The following SCD5 variants were observed in gnomAD, a reference collection of about 807,000 sequenced individuals.
SCD5 encodes stearoyl-CoA desaturase 5, also known as acyl-CoA-desaturase 4.
In SCD5, 20 loss-of-function variants were observed where a neutral mutation model predicts 30.4. That is an observed-to-expected ratio of 0.66 (90% CI 0.46 to 0.96). SCD5 has a LOEUF of 0.96. SCD5 is among the 40% of genes least tolerant of loss of function. The pLI, the probability that SCD5 is intolerant of heterozygous loss-of-function variation, is 0.00. For missense variants in SCD5, 381 were observed against 443.3 expected (o/e 0.86, Z 1.26); for synonymous variants, 173 against 176.4 (o/e 0.98, Z 0.16).
intron 1 of SCD5, among the ~76,000 whole-genome samples, chr4:82,786,647 C>T (rs1721993725): frequency 6.6e-6 from 1 of 151,922 alleles, no homozygotes; most frequent in South Asian, 2.1e-4. Context: ...TAAAAATTAG[C>T]TCGGCATGGT....
rs556535165 is a variant in SCD5 at position 82,777,582 on chromosome 4, G to A, written c.232+20724C>T. ...CCCCATCCTTAGGAGGGCCTCATGC[G>A]TGGTTAAATGCACTGCTATCACCAT... is the stretch of plus-strand genomic sequence containing the variant. On this transcript the variant is annotated intron_variant, in intron 1 of 4. Coordinates refer to ENST00000319540, the MANE Select transcript of SCD5 (RefSeq NM_001037582.3). Among the ~76,000 whole-genome samples, 5 of 152,332 alleles carry A rather than the reference G, an allele frequency of 3.3e-5. No homozygotes were observed. In the East Asian group the frequency reaches 5.8e-4, roughly 18 times the overall value.
intron 1 of SCD5, among the ~76,000 whole-genome samples, chr4:82,764,919 G>A (rs753835467): frequency 2.3e-4 from 35 of 152,094 alleles, no homozygotes; most frequent in Non-Finnish European, 4.1e-4. Context: ...AAGAGACAGT[G>A]TTTCACCATG....
intron 2 of SCD5, among the ~76,000 whole-genome samples, chr4:82,696,494 T>A (rs1719698598): frequency 6.6e-6 from 1 of 152,246 alleles, no homozygotes; most frequent in Non-Finnish European, 1.5e-5. Flanking sequence ...TCATTTCGTA[T>A]CTTCATTAAT....
At chr4:82,650,925 T>C (rs944083045) in intron 3 of SCD5, among the ~76,000 whole-genome samples, 4 of 149,730 alleles carry the variant, frequency 2.7e-5, no homozygotes, top group Admixed American at 6.8e-5. Flanking sequence ...ACCTATTACA[T>C]GGTAAATAAA....
At chr4:82,647,176 G>A (rs1727649713) in intron 3 of SCD5, among the ~76,000 whole-genome samples, 2 of 152,246 alleles carry the variant, frequency 1.3e-5, no homozygotes, top group South Asian at 4.1e-4. Flanking sequence ...AGTGACACTA[G>A]ATAGTAGTGC....
At chr4:82,782,315 TACAG>T (rs1721889843) in intron 1 of SCD5, among the ~76,000 whole-genome samples, 1 of 151,896 alleles carries the variant, frequency 6.6e-6, no homozygotes. Flanking sequence ...TTTACTAGAA[TACAG>T]ACATACAGCA....
chr4:82,662,631 A>G (rs954411704), intron 3 of SCD5, among the ~76,000 whole-genome samples: 63 of 151,864 alleles, frequency 4.1e-4, no homozygotes, highest in African/African-American at 1.5e-3. Context: ...AGGCTGAGGT[A>G]GGTGGATCAC....
intron 1 of SCD5, among the ~76,000 whole-genome samples, chr4:82,746,709 G>C (rs914727102): frequency 6.6e-6 from 1 of 151,994 alleles, no homozygotes; most frequent in African/African-American, 2.4e-5. Context: ...AGAGTAAATG[G>C]AAAGAGTCAA....
At chr4:82,767,439 C>G (rs970126160) in intron 1 of SCD5, among the ~76,000 whole-genome samples, 3 of 152,096 alleles carry the variant, frequency 2.0e-5, no homozygotes, top group African/African-American at 7.2e-5. Context: ...AAAACTCTCT[C>G]TAGGAAGTCT....
At position 82,741,140 on chromosome 4, in the gene SCD5, T is replaced by C. The variant is rs372778573; in HGVS notation, c.233-35727A>G. Reference sequence around the variant, plus strand: ...TTTTCGTAGAGACAGAGTTTTGCCATGTTGCCTAGGCTGGTCTCAAACTCC... The same window carrying C: ...TTTTCGTAGAGACAGAGTTTTGCCACGTTGCCTAGGCTGGTCTCAAACTCC... On this transcript the variant is annotated intron_variant, in intron 1 of 4. Transcript: ENST00000319540. Among the ~76,000 whole-genome samples the C allele has an allele frequency of 8.2e-4, 124 of 151,186 alleles. 4 individuals carry two copies. The highest frequency in any genetic ancestry group is 3.0e-3 in the African/African-American group (123 of 41,114).
At chr4:82,739,827 C>A (rs1051172693) in intron 1 of SCD5, among the ~76,000 whole-genome samples, 10 of 152,196 alleles carry the variant, frequency 6.6e-5, no homozygotes, top group Non-Finnish European at 1.2e-4. Flanking sequence ...TAAAGAGAGG[C>A]ATATATCTGT....
rs1440233565 is a variant in SCD5, at chr4:82,798,335, G to T, written c.203C>A (p.Pro68His). The change falls in exon 1 of 5, where the codon CCC (proline) becomes CAC (histidine). Residue 68 changes from proline to histidine, a missense_variant. Physicochemically the swap from Pro to His is moderately conservative, Grantham distance 77. Transcript: ENST00000319540. ...GAGCAGAGTGAGTGGCTTGGCTTTG[G>T]GGATGAGCACCAGGGAGTACACGGC... is the stretch of plus-strand genomic sequence containing the variant. ...LGAVYSLVLI[P>H]KAKPLTLLWA... is the part of the protein sequence containing the mutation. The T allele has an allele frequency of 1.9e-6, 3 of 1,611,916 alleles. No homozygotes were observed. Among genetic ancestry groups the T allele is most frequent in the South Asian group, 1.1e-5 (1 of 90,656 alleles).
At chr4:82,733,438 T>C (rs781487656) in intron 1 of SCD5, among the ~76,000 whole-genome samples, 13 of 152,178 alleles carry the variant, frequency 8.5e-5, no homozygotes, top group East Asian at 3.8e-4. Flanking sequence ...GCCTATTTCA[T>C]TGGCTGTAAA....
intron 1 of SCD5, among the ~76,000 whole-genome samples, chr4:82,748,218 A>G (rs1177507066): frequency 6.6e-6 from 1 of 152,126 alleles, no homozygotes; most frequent in East Asian, 1.9e-4. Flanking sequence ...AGGGAAAGGG[A>G]AACGATGAAA....
At chr4:82,658,630 C>CTTTTTTTT (rs57727794) in intron 3 of SCD5, among the ~76,000 whole-genome samples, 18 of 116,930 alleles carry the variant, frequency 1.5e-4, no homozygotes, top group South Asian at 2.9e-4. Flanking sequence ...CCACACCTGG[C>CTTTTTTTT]TTTTTTTTTT....
intron 1 of SCD5, among the ~76,000 whole-genome samples, chr4:82,758,253 AG>A (rs973433648): frequency 2.0e-5 from 3 of 152,196 alleles, no homozygotes; most frequent in African/African-American, 7.2e-5. Flanking sequence ...ACTTGAGGCC[AG>A]GAGTTGAACA....
At chr4:82,785,127 T>C (rs1023711910) in intron 1 of SCD5, among the ~76,000 whole-genome samples, 2 of 151,712 alleles carry the variant, frequency 1.3e-5, no homozygotes, top group Non-Finnish European at 2.9e-5. Context: ...CCACCCCCCA[T>C]CCCCCCAGCT....
chr4:82,787,564 C>A (rs1179323196), intron 1 of SCD5, among the ~76,000 whole-genome samples: 1 of 152,226 alleles, frequency 6.6e-6, no homozygotes, highest in Non-Finnish European at 1.5e-5. Context: ...GCCCTTGCCT[C>A]ATGTGACTCA....
At chr4:82,779,479 T>C (rs1032507097) in intron 1 of SCD5, among the ~76,000 whole-genome samples, 4 of 152,172 alleles carry the variant, frequency 2.6e-5, no homozygotes, top group Admixed American at 2.0e-4. Context: ...AATAGTAAAT[T>C]TGTGTTGCTG....
Sources: allele counts gnomAD v4.1 joint callset (sites outside exome capture counted in the v4.1 genomes callset), GRCh38; gene constraint gnomAD v4.1.1; transcripts MANE v1.5; gene names NCBI Gene and HGNC (gene_info 2026-07-23, HGNC 2026-07-21).